PTGR3: variants seen among roughly 807,000 people sequenced by gnomAD.
PTGR3 encodes zinc binding alcohol dehydrogenase domain containing 2.
chr18:75,201,892 G>A, the PTGR3 span: 23 of 1,614,046 alleles, frequency 1.4e-5, no homozygotes, highest in Non-Finnish European at 1.8e-5. Flanking sequence ...TTGATAGGAC[G>A]ATCACAGCCA....
chr18:75,206,660 G>C, the PTGR3 span, among the ~76,000 whole-genome samples: 1 of 152,100 alleles, frequency 6.6e-6, no homozygotes, highest in African/African-American at 2.4e-5. Context: ...CAAAGATTCT[G>C]TCCCCTCCCA....
At chr18:75,201,814 C>G in the PTGR3 span, 1 of 1,614,068 alleles carries the variant, frequency 6.2e-7, no homozygotes, top group African/African-American at 1.3e-5. Context: ...CCAACAGATT[C>G]ATAGACCACA....
chr18:75,201,101 G>A, the PTGR3 span: 5 of 282,864 alleles, frequency 1.8e-5, no homozygotes, highest in Non-Finnish European at 2.0e-5. Flanking sequence ...ATACTGACTC[G>A]ATCAGATCTG....
chr18:75,201,824 A>G, the PTGR3 span: 6 of 1,614,058 alleles, frequency 3.7e-6, no homozygotes, highest in Non-Finnish European at 5.1e-6. Context: ...CATAGACCAC[A>G]TCGACACCTT....
chr18:75,195,205 A>C, the PTGR3 span: 8 of 152,234 alleles, frequency 5.3e-5, no homozygotes, highest in Non-Finnish European at 7.3e-5. Context: ...TTAAGCCATT[A>C]ATTCCATTGA....
chr18:75,201,545 T>C, the PTGR3 span: 2 of 1,614,170 alleles, frequency 1.2e-6, no homozygotes, highest in Admixed American at 1.7e-5. Context: ...GAGACAGATC[T>C]CCAAGGTCCA....
At chr18:75,199,451 T>G in the PTGR3 span, 1 of 152,250 alleles carries the variant, frequency 6.6e-6, no homozygotes, top group Non-Finnish European at 1.5e-5. Context: ...ATGTTAAATT[T>G]AATAATATTC....
the PTGR3 span, chr18:75,199,217 C>T: frequency 1.3e-5 from 2 of 152,426 alleles, no homozygotes; most frequent in Admixed American, 1.3e-4. Context: ...CAATAAATTT[C>T]TATTCTGTAG....
chr18:75,199,976 T>C, the PTGR3 span: 4 of 152,616 alleles, frequency 2.6e-5, no homozygotes, highest in African/African-American at 9.7e-5. Context: ...GTAAAATAGA[T>C]ACTAACAGCT....
the PTGR3 span, chr18:75,202,300 C>T: frequency 1.2e-6 from 2 of 1,613,788 alleles, no homozygotes; most frequent in Non-Finnish European, 1.7e-6. Flanking sequence ...TCATAGCGGC[C>T]TGCTGAATAG....
chr18:75,208,541 T>G, the PTGR3 span: 5 of 1,071,068 alleles, frequency 4.7e-6, no homozygotes, highest in South Asian at 9.1e-5. Context: ...TCCCGTCGGT[T>G]TTATTTCGGG....
At chr18:75,202,240 C>A in the PTGR3 span, 1 of 1,614,182 alleles carries the variant, frequency 6.2e-7, no homozygotes, top group East Asian at 2.2e-5. Flanking sequence ...AGGGCCACCA[C>A]CTCCCCAATG....
At chr18:75,209,137 T>C in the PTGR3 span, 2 of 1,221,802 alleles carry the variant, frequency 1.6e-6, no homozygotes, top group Non-Finnish European at 2.1e-6. This position sits in a 1 kb window ranked among gnomAD's most constrained non-coding sequence, Gnocchi z 4.7. Flanking sequence ...TCGGCTGTGC[T>C]CTGCTCGGCT....
At chr18:75,201,349 T>C in the PTGR3 span, 51 of 1,359,738 alleles carry the variant, frequency 3.8e-5, no homozygotes, top group Non-Finnish European at 4.9e-5. Context: ...AATAAATTGA[T>C]TTGAGTAATT....
chr18:75,208,900 C>T, the PTGR3 span: 2 of 1,568,704 alleles, frequency 1.3e-6, no homozygotes, highest in East Asian at 4.9e-5. Context: ...CCGGGCAGTC[C>T]CGGCTCAGGG....
At chr18:75,201,487 A>G in the PTGR3 span, 7 of 1,614,082 alleles carry the variant, frequency 4.3e-6, no homozygotes, top group Admixed American at 1.7e-5. Flanking sequence ...ATGTACATAT[A>G]ATTGACAGCA....
the PTGR3 span, chr18:75,202,101 T>C: frequency 6.8e-6 from 11 of 1,613,998 alleles, no homozygotes; most frequent in African/African-American, 1.3e-5. Flanking sequence ...CAGGGTAAGA[T>C]ACTCGGGTTT....
the PTGR3 span, chr18:75,205,274 G>T: frequency 1.4e-4 from 141 of 985,586 alleles, no homozygotes; most frequent in Non-Finnish European, 1.5e-4. Context: ...CGAATGCGGG[G>T]CTCGGGATGG....
At chr18:75,208,300 C>A in the PTGR3 span, 1 of 981,420 alleles carries the variant, frequency 1.0e-6, no homozygotes, top group East Asian at 1.1e-4. Context: ...CAGACAACAC[C>A]GGCGAGGTGC....
Sources: allele counts gnomAD v4.1 joint callset (sites outside exome capture counted in the v4.1 genomes callset), GRCh38; gene constraint gnomAD v4.1.1; non-coding constraint Gnocchi (gnomAD v3.1); transcripts MANE v1.5; gene names NCBI Gene and HGNC (gene_info 2026-07-23, HGNC 2026-07-21).